Variants in APLF observed in about 807,000 individuals in gnomAD.
The protein encoded by APLF is aprataxin and PNKP like factor.
Under a neutral mutation model 55.6 loss-of-function variants are expected in APLF, and 61 were observed. The observed-to-expected ratio is 1.10, with a 90% confidence interval of 0.89 to 1.36. The LOEUF (loss-of-function observed/expected upper bound fraction) is 1.36. APLF is among the 40% of genes most tolerant of loss of function. The pLI is 0.00. For synonymous variants in APLF, 207 were observed against 214.8 expected (o/e 0.96, Z 0.32); for missense variants, 611 against 602.5 (o/e 1.01, Z -0.15).
chr2:68,544,240 A>G (rs1670637548), intron 7 of APLF, among the ~76,000 whole-genome samples: 2 of 152,068 alleles, frequency 1.3e-5, no homozygotes, highest in African/African-American at 4.8e-5. Context: ...CGGCCTCCCA[A>G]AGTGCTAGGA....
At chr2:68,538,467 T>C (rs1343147707) in intron 7 of APLF, among the ~76,000 whole-genome samples, 3 of 152,158 alleles carry the variant, frequency 2.0e-5, no homozygotes, top group African/African-American at 7.2e-5. Context: ...AATGTGAGGA[T>C]CTGAATACTG....
At chr2:68,558,555 C>T (rs182342699) in intron 8 of APLF, among the ~76,000 whole-genome samples, 76 of 152,192 alleles carry the variant, frequency 5.0e-4, no homozygotes, top group African/African-American at 1.2e-3. Flanking sequence ...TTCATTTCTC[C>T]ACTGGGTAAA....
At chr2:68,556,618 A>G (rs763722064) in intron 8 of APLF, among the ~76,000 whole-genome samples, 3 of 152,220 alleles carry the variant, frequency 2.0e-5, no homozygotes, top group Non-Finnish European at 4.4e-5. Context: ...ATCTTAGAAT[A>G]TAAACACACT....
intron 7 of APLF, among the ~76,000 whole-genome samples, chr2:68,538,519 C>A (rs958720378): frequency 7.0e-6 from 1 of 142,064 alleles, no homozygotes; most frequent in Non-Finnish European, 1.6e-5. Flanking sequence ...GATCTAAATA[C>A]CTGTTATTTA....
At position 68,579,922 on chromosome 2, in the gene APLF, G is replaced by A. The variant is rs1196777850; in HGVS notation, c.*1900G>A. 1.6e-6 allele frequency: 1 copy of A among 612,712 alleles called. No individual in the cohort carries two copies. Among genetic ancestry groups the A allele is most frequent in the African/African-American group, 2.0e-5 (1 of 49,856 alleles). The allele number at this position is 612,712 out of a possible 1,614,324, so 38.0% of individuals were successfully genotyped here. On this transcript the variant is annotated 3_prime_UTR_variant, in exon 10 of 10. Coordinates refer to ENST00000303795, the MANE Select transcript of APLF (RefSeq NM_173545.3). ...AACAATGCATTGTACACTTTCAAAG[G>A]GTAGATTTCATTGCACGTGAACTAT...
Position 68,505,195 on chromosome 2 carries a change from G to A in APLF, c.341+2292G>A, listed in dbSNP as rs75916038. On this transcript the variant is annotated intron_variant, in intron 3 of 9. Transcript: ENST00000303795. Reference sequence around the variant, plus strand: ...TTCTCTTATCATACATGTATGAAGCGTGCTATTTAAACTAGCTGTTGAAAT... The same window carrying A: ...TTCTCTTATCATACATGTATGAAGCATGCTATTTAAACTAGCTGTTGAAAT... Among the ~76,000 whole-genome samples the A allele has an allele frequency of 6.7e-4, 102 of 152,006 alleles. 1 individual carries two copies. The East Asian group carries it at 0.011, about 17-fold the overall frequency.
chr2:68,518,244 A>G (rs1331568764), intron 5 of APLF, among the ~76,000 whole-genome samples: 1 of 119,072 alleles, frequency 8.4e-6, no homozygotes, highest in Admixed American at 9.8e-5. Flanking sequence ...TTAATATATA[A>G]TGTTAATATA....
intron 8 of APLF, among the ~76,000 whole-genome samples, chr2:68,553,157 C>T (rs938726098): frequency 6.6e-6 from 1 of 151,982 alleles, no homozygotes; most frequent in African/African-American, 2.4e-5. Context: ...TCTAAAGTAT[C>T]ACTGGGGGGT....
chr2:68,532,601 A>G (rs951154401), intron 6 of APLF, among the ~76,000 whole-genome samples: 8 of 152,216 alleles, frequency 5.3e-5, no homozygotes, highest in Admixed American at 4.6e-4. Context: ...TACCATACGT[A>G]TTAGACTATG....
chr2:68,497,594 T>A (rs536291484), intron 2 of APLF, among the ~76,000 whole-genome samples: 1,968 of 151,818 alleles, frequency 0.013, 45 homozygotes, highest in African/African-American at 0.045. Context: ...TTTTTTTTTT[T>A]AAATAAATTA....
chr2:68,564,197 A>G (rs562052283), intron 8 of APLF, among the ~76,000 whole-genome samples: 1 of 152,188 alleles, frequency 6.6e-6, no homozygotes, highest in African/African-American at 2.4e-5. Context: ...TCTTCCCACA[A>G]ATCGTCACCA....
At chr2:68,515,750 A>G (rs907898108) in intron 5 of APLF, 3 of 981,676 alleles carry the variant, frequency 3.1e-6, no homozygotes, top group Non-Finnish European at 2.4e-6. Context: ...ATCTTTTTAT[A>G]AACTAAGACC....
intron 1 of APLF, among the ~76,000 whole-genome samples, chr2:68,486,460 G>T (rs765168211): frequency 1.1e-4 from 17 of 152,026 alleles, no homozygotes; most frequent in Non-Finnish European, 2.1e-4. Context: ...GTATTTCCCA[G>T]TAAAAGTGTG....
intron 2 of APLF, among the ~76,000 whole-genome samples, chr2:68,498,743 C>T (rs972902654): frequency 1.3e-5 from 2 of 152,220 alleles, no homozygotes; most frequent in African/African-American, 2.4e-5. Flanking sequence ...GCCCTCAGGG[C>T]GAATTCATAG....
chr2:68,477,277 C>T (rs918556917), intron 1 of APLF, among the ~76,000 whole-genome samples: 3 of 152,130 alleles, frequency 2.0e-5, no homozygotes, highest in South Asian at 2.1e-4. Flanking sequence ...CTTACGACAA[C>T]GTGTGATGTG....
chr2:68,579,356 A>G lies in APLF; in HGVS notation c.*1334A>G. 1.0e-6 allele frequency: 1 copy of G among 976,090 alleles called. No homozygotes were observed. Among genetic ancestry groups the G allele is most frequent in the Non-Finnish European group, 1.2e-6 (1 of 821,408 alleles). The allele number at this position is 976,090 out of a possible 1,614,324, so 60.5% of individuals were successfully genotyped here. A position where few individuals can be genotyped will look rare whatever the true frequency, so the allele number is the denominator to read the frequency against. ...ATAATGTCCCTTTAGCCTTGGTAGTATAACAAATCTACGAATGTAATATTT... is the reference window on the plus strand; with the variant it reads ...ATAATGTCCCTTTAGCCTTGGTAGTGTAACAAATCTACGAATGTAATATTT... On this transcript the variant is annotated 3_prime_UTR_variant, in exon 10 of 10. Coordinates refer to ENST00000303795, the MANE Select transcript of APLF (RefSeq NM_173545.3).
rs1278886865 is a variant in APLF at position 68,577,970 on chromosome 2, A to T, written c.1484A>T (p.Glu495Val). The T allele has an allele frequency of 6.2e-7, 1 of 1,613,460 alleles. No individual in the cohort carries two copies. The highest frequency in any genetic ancestry group is 1.3e-5 in the African/African-American group (1 of 74,918). ...WEPGKEDEEK[E>V]DVEELLKEAK... ...CCAGGAAAGGAAGATGAAGAGAAGG[A>T]AGATGTGGAAGAGCTTTTGAAAGAA... The change falls in exon 10 of 10, where the codon GAA (glutamate) becomes GTA (valine). Residue 495 changes from glutamate to valine, a missense_variant. Glu to Val is a moderately radical substitution (Grantham distance 121, BLOSUM62 -2). Coordinates refer to ENST00000303795, the MANE Select transcript of APLF (RefSeq NM_173545.3).
intron 8 of APLF, among the ~76,000 whole-genome samples, chr2:68,554,039 A>G (rs1330666951): frequency 1.3e-5 from 2 of 152,090 alleles, no homozygotes; most frequent in Non-Finnish European, 2.9e-5. Context: ...CTACATATCA[A>G]TGCCTACATT....
intron 7 of APLF, among the ~76,000 whole-genome samples, chr2:68,538,631 G>A (rs1670466874): frequency 1.3e-5 from 2 of 148,582 alleles, no homozygotes. Flanking sequence ...TTATATTTTT[G>A]TAATGGTGCT....
Sources: allele counts gnomAD v4.1 joint callset (sites outside exome capture counted in the v4.1 genomes callset), GRCh38; gene constraint gnomAD v4.1.1; transcripts MANE v1.5; gene names NCBI Gene and HGNC (gene_info 2026-07-23, HGNC 2026-07-21).